Variants in PTPRD observed in about 807,000 individuals in gnomAD.
PTPRD encodes the protein protein tyrosine phosphatase receptor type D, also known as receptor-type tyrosine-protein phosphatase delta.
In PTPRD, 34 loss-of-function variants were observed where a neutral mutation model predicts 214.5. The observed-to-expected ratio is 0.16, with a 90% confidence interval of 0.12 to 0.21. The LOEUF (loss-of-function observed/expected upper bound fraction) is 0.21. Ranked by LOEUF, PTPRD falls within the 10% of genes least tolerant of loss-of-function variation. The pLI, the probability that PTPRD is intolerant of heterozygous loss-of-function variation, is 1.00. For missense variants in PTPRD, 2,545 were observed against 2,398.7 expected (o/e 1.06, Z -1.27); for synonymous variants, 1,128 against 845.7 (o/e 1.33, Z -5.79).
chr9:8,351,261 T>C (rs896735387), intron 39 of PTPRD, among the ~76,000 whole-genome samples: 4 of 152,122 alleles, frequency 2.6e-5, no homozygotes, highest in Non-Finnish European at 4.4e-5. Context: ...AAAAGTCCAT[T>C]CAGGATTACA....
intron 8 of PTPRD, among the ~76,000 whole-genome samples, chr9:9,561,520 A>T (rs1167242778): frequency 6.6e-6 from 1 of 152,302 alleles, no homozygotes; most frequent in African/African-American, 2.4e-5. Context: ...TTATCATCAA[A>T]CCATTTGGGG....
intron 3 of PTPRD, among the ~76,000 whole-genome samples, chr9:10,054,798 G>A (rs1448723214): frequency 3.3e-5 from 5 of 152,002 alleles, no homozygotes; most frequent in Non-Finnish European, 5.9e-5. Flanking sequence ...TTTTCCTACT[G>A]GAATAGTCTT....
chr9:10,457,869 G>C (rs1439386306), intron 2 of PTPRD, among the ~76,000 whole-genome samples: 2 of 151,960 alleles, frequency 1.3e-5, no homozygotes, highest in Non-Finnish European at 2.9e-5. Flanking sequence ...AACAAATAGA[G>C]ATAAGACTTA....
chr9:9,339,660 C>G (rs958867851), intron 9 of PTPRD, among the ~76,000 whole-genome samples: 1 of 152,092 alleles, frequency 6.6e-6, no homozygotes, highest in Non-Finnish European at 1.5e-5. Flanking sequence ...TTTACATCAA[C>G]TTAATTACCA....
chr9:10,437,168 A>G (rs1014176182), intron 2 of PTPRD, among the ~76,000 whole-genome samples: 4 of 151,824 alleles, frequency 2.6e-5, no homozygotes, highest in African/African-American at 9.7e-5. Flanking sequence ...AGTGATCCTC[A>G]TGAGACTATA....
intron 10 of PTPRD, among the ~76,000 whole-genome samples, chr9:9,174,761 A>C (rs973451323): frequency 2.0e-5 from 3 of 152,194 alleles, no homozygotes; most frequent in African/African-American, 7.2e-5. Flanking sequence ...TTTAGAAGTA[A>C]TTTTAAAAAT....
chr9:10,447,229 T>C (rs1332127644), intron 2 of PTPRD, among the ~76,000 whole-genome samples: 1 of 151,250 alleles, frequency 6.6e-6, no homozygotes, highest in African/African-American at 2.5e-5. Flanking sequence ...CAAAATTTAG[T>C]GCCAAGTCAG....
chr9:9,077,518 A>G (rs566227922), intron 10 of PTPRD, among the ~76,000 whole-genome samples: 29 of 152,216 alleles, frequency 1.9e-4, no homozygotes, highest in African/African-American at 6.5e-4. Context: ...AAATACATAC[A>G]CATGCCAGAA....
intron 11 of PTPRD, among the ~76,000 whole-genome samples, chr9:8,857,392 G>A (rs998942508): frequency 1.3e-5 from 2 of 152,172 alleles, no homozygotes; most frequent in African/African-American, 2.4e-5. Context: ...CCATTCTCTA[G>A]AGTCGCCTCT....
At chr9:10,046,081 C>T (rs1223608319) in intron 3 of PTPRD, among the ~76,000 whole-genome samples, 2 of 151,776 alleles carry the variant, frequency 1.3e-5, no homozygotes, top group South Asian at 4.2e-4. Context: ...ATTTGATATA[C>T]AGAAATATTC....
chr9:9,059,064 G>A (rs1397082476), intron 10 of PTPRD, among the ~76,000 whole-genome samples: 1 of 152,092 alleles, frequency 6.6e-6, no homozygotes, highest in East Asian at 1.9e-4. Context: ...AAGACTTGGT[G>A]GCTCAAGAAC....
At position 8,983,276 on chromosome 9, in the gene PTPRD, G is replaced by A. The variant is rs528192949; in HGVS notation, c.-104+35421C>T. On this transcript the variant is annotated intron_variant, in intron 11 of 45. Transcript: ENST00000381196. ...AGTTATTCTAGCTTGAAGAGATACAGATGAAAATAAAATGCTTCACTAGAA... is the reference window on the plus strand; with the variant it reads ...AGTTATTCTAGCTTGAAGAGATACAAATGAAAATAAAATGCTTCACTAGAA... 1.3e-5 allele frequency among the ~76,000 whole-genome samples: 2 copies of A among 151,884 alleles called. 1 individual carries two copies.
chr9:9,946,868 A>C (rs2092632947), intron 4 of PTPRD, among the ~76,000 whole-genome samples: 1 of 152,130 alleles, frequency 6.6e-6, no homozygotes, highest in Non-Finnish European at 1.5e-5. Flanking sequence ...CTTTAATTGA[A>C]GTGCAATATT....
chr9:8,447,280 A>G (rs1041233713), intron 34 of PTPRD, among the ~76,000 whole-genome samples: 17 of 152,012 alleles, frequency 1.1e-4, no homozygotes, highest in African/African-American at 4.1e-4. Context: ...TCCCTTATTC[A>G]TTTGAGGTGA....
At chr9:8,351,415 T>C (rs1269770616) in intron 39 of PTPRD, among the ~76,000 whole-genome samples, 1 of 151,668 alleles carries the variant, frequency 6.6e-6, no homozygotes, top group African/African-American at 2.4e-5. Flanking sequence ...GCTTTTTTTT[T>C]TAACAAGGAT....
At chr9:10,037,700 T>C (rs1178730769) in intron 3 of PTPRD, among the ~76,000 whole-genome samples, 1 of 151,954 alleles carries the variant, frequency 6.6e-6, no homozygotes, top group Non-Finnish European at 1.5e-5. Flanking sequence ...TGAGAGAGGA[T>C]CAATCTTCGT....
intron 5 of PTPRD, among the ~76,000 whole-genome samples, chr9:9,797,315 TA>T (rs1315938414): frequency 6.7e-6 from 1 of 150,326 alleles, no homozygotes; most frequent in Non-Finnish European, 1.5e-5. Context: ...TTCAAATTTT[TA>T]AAAAAATTAA....
chr9:9,387,269 A>C (rs1440635844), intron 9 of PTPRD, among the ~76,000 whole-genome samples: 1 of 152,192 alleles, frequency 6.6e-6, no homozygotes, highest in Non-Finnish European at 1.5e-5. Flanking sequence ...TTAATAATAC[A>C]AGTTGGTTTT....
chr9:8,778,729 T>C (rs1420844718), intron 11 of PTPRD, among the ~76,000 whole-genome samples: 2 of 152,146 alleles, frequency 1.3e-5, no homozygotes, highest in Non-Finnish European at 2.9e-5. Context: ...TAGGAGGCCA[T>C]GGAGTGTTTC....
Sources: gnomAD v4.1 joint callset for allele counts (sites outside exome capture counted in the v4.1 genomes callset) on GRCh38, gnomAD v4.1.1 for gene constraint, MANE v1.5 for transcripts, NCBI Gene and HGNC (gene_info 2026-07-23, HGNC 2026-07-21) for gene names.